Variants in THADA observed in about 807,000 individuals in gnomAD.
THADA encodes tRNA (32-2'-O)-methyltransferase regulator THADA.
In THADA, 213 loss-of-function variants were observed where a neutral mutation model predicts 219.8. That is an observed-to-expected ratio of 0.97 (90% CI 0.87 to 1.09). THADA has a LOEUF of 1.09. Among genes scored for constraint, THADA ranks in the 50% least tolerant of loss-of-function variants. THADA has a pLI of 0.00. For synonymous variants in THADA, 1,018 were observed against 828.9 expected (o/e 1.23, Z -3.92); for missense variants, 2,956 against 2,311.3 (o/e 1.28, Z -5.72).
chr2:43,587,668 T>C (rs1170242643), intron 4 of THADA, among the ~76,000 whole-genome samples: 1 of 152,170 alleles, frequency 6.6e-6, no homozygotes, highest in Non-Finnish European at 1.5e-5. Flanking sequence ...ACCCCATCCT[T>C]TATGTCCCCT....
chr2:43,437,809 T>C (rs1013403448), intron 26 of THADA, among the ~76,000 whole-genome samples: 1 of 152,100 alleles, frequency 6.6e-6, no homozygotes, highest in African/African-American at 2.4e-5. Flanking sequence ...AAATTAAAAA[T>C]AAAAATACAG....
intron 21 of THADA, among the ~76,000 whole-genome samples, chr2:43,532,412 CAAA>C (rs773523844): frequency 1.9e-4 from 9 of 47,240 alleles, no homozygotes; most frequent in Admixed American, 4.8e-4. Flanking sequence ...GACTCCACCT[CAAA>C]AAAAAAAAAA....
At chr2:43,506,138 T>A (rs1180987412) in intron 23 of THADA, among the ~76,000 whole-genome samples, 4 of 152,220 alleles carry the variant, frequency 2.6e-5, no homozygotes, top group Non-Finnish European at 5.9e-5. Context: ...GCAAAAAATC[T>A]CTGGATTAAA....
chr2:43,305,020 A>G (rs1468554194), intron 31 of THADA, among the ~76,000 whole-genome samples: 1 of 152,186 alleles, frequency 6.6e-6, no homozygotes, highest in Non-Finnish European at 1.5e-5. Flanking sequence ...TTTCTATTTT[A>G]AAGAATTGTA....
intron 26 of THADA, among the ~76,000 whole-genome samples, chr2:43,466,590 T>C (rs1684266612): frequency 6.6e-6 from 1 of 152,290 alleles, no homozygotes; most frequent in East Asian, 1.9e-4. Flanking sequence ...ATGCCCAGCA[T>C]ATTACCTGGC....
intron 28 of THADA, among the ~76,000 whole-genome samples, chr2:43,422,038 C>CAG (rs911076844): frequency 1.3e-5 from 2 of 152,210 alleles, no homozygotes; most frequent in Non-Finnish European, 2.9e-5. Flanking sequence ...GCATGCCAAA[C>CAG]AGATACCTTG....
chr2:43,480,646 T>G (rs954157626), intron 26 of THADA, among the ~76,000 whole-genome samples: 1 of 145,112 alleles, frequency 6.9e-6, no homozygotes, highest in Non-Finnish European at 1.5e-5. Context: ...CCATTTCTAC[T>G]AAAAAAAAAA....
At chr2:43,273,161 A>G (rs1672319688) in intron 36 of THADA, among the ~76,000 whole-genome samples, 1 of 152,022 alleles carries the variant, frequency 6.6e-6, no homozygotes, top group Non-Finnish European at 1.5e-5. Flanking sequence ...AGGCAGGACA[A>G]TCGCTTGAAC....
intron 36 of THADA, among the ~76,000 whole-genome samples, chr2:43,262,613 A>G (rs1314975515): frequency 3.9e-5 from 6 of 152,270 alleles, no homozygotes; most frequent in African/African-American, 1.4e-4. Context: ...CTTTCTTTAA[A>G]AAGAAAACTC....
chr2:43,549,081 A>T (rs908901731), intron 20 of THADA, 129 bp downstream of exon 20: 5 of 924,330 alleles, frequency 5.4e-6, no homozygotes, highest in East Asian at 3.2e-5. Flanking sequence ...CAAAATTTTT[A>T]AAAAACTTTA....
intron 26 of THADA, among the ~76,000 whole-genome samples, chr2:43,479,802 G>C (rs866675103): frequency 6.6e-6 from 1 of 152,178 alleles, no homozygotes. Context: ...TGAGAACAGC[G>C]AGGGGCTCAT....
rs10207729 is a variant in THADA at position 43,560,686 on chromosome 2, T to C, written c.2312-301A>G. 8.0e-3 allele frequency among the ~76,000 whole-genome samples: 1,224 copies of C among 152,240 alleles called. 18 individuals carry two copies. The highest frequency in any genetic ancestry group is 0.028 in the African/African-American group (1,180 of 41,528). On this transcript the variant is annotated intron_variant, in intron 15 of 37. Coordinates refer to ENST00000405975, the MANE Select transcript of THADA (RefSeq NM_022065.5). Reference sequence around the variant, plus strand: ...AAAAACAAGTAAATTTAGAAACACATCTTTTTAAAAATCCTAATAAAACTT... The same window carrying C: ...AAAAACAAGTAAATTTAGAAACACACCTTTTTAAAAATCCTAATAAAACTT...
At chr2:43,332,908 A>ATTTT (rs1404899769) in intron 30 of THADA, among the ~76,000 whole-genome samples, 1 of 152,188 alleles carries the variant, frequency 6.6e-6, no homozygotes, top group Non-Finnish European at 1.5e-5. Flanking sequence ...AGTTGCGTAA[A>ATTTT]AGGACTATTT....
intron 14 of THADA, among the ~76,000 whole-genome samples, chr2:43,567,929 C>G (rs1202123310): frequency 2.6e-5 from 4 of 152,206 alleles, no homozygotes; most frequent in African/African-American, 9.7e-5. Flanking sequence ...GTCCTCCATT[C>G]CCCAAGGTAT....
intron 36 of THADA, among the ~76,000 whole-genome samples, chr2:43,263,306 C>T (rs1671168037): frequency 6.6e-6 from 1 of 152,042 alleles, no homozygotes; most frequent in African/African-American, 2.4e-5. Context: ...TTGCATGATA[C>T]TTTCTCCTTC....
intron 22 of THADA, among the ~76,000 whole-genome samples, chr2:43,524,350 C>A (rs1264586539): frequency 6.6e-6 from 1 of 152,184 alleles, no homozygotes; most frequent in African/African-American, 2.4e-5. Flanking sequence ...TTTGCATAAT[C>A]CTATTAAAAA....
At chr2:43,341,170 C>T (rs1265271176) in intron 30 of THADA, among the ~76,000 whole-genome samples, 3 of 152,138 alleles carry the variant, frequency 2.0e-5, no homozygotes, top group Admixed American at 6.5e-5. Context: ...GTGTTAGGAA[C>T]CATTTACAGA....
intron 26 of THADA, among the ~76,000 whole-genome samples, chr2:43,435,173 G>A (rs1014301980): frequency 3.3e-5 from 5 of 152,130 alleles, no homozygotes; most frequent in South Asian, 2.1e-4. Context: ...AAATAGCCAG[G>A]GCCAGGCGCA....
chr2:43,377,502 A>T lies in THADA; in HGVS notation c.4227+20469T>A, dbSNP rs80260561. Among the ~76,000 whole-genome samples, 374 of 152,312 alleles carry T rather than the reference A, an allele frequency of 2.5e-3. 2 individuals are homozygous for T. Among genetic ancestry groups the T allele is most frequent in the African/African-American group, 8.6e-3 (359 of 41,580 alleles). ...AGAGCCAGGGTGATAGATGAGGTGC[A>T]GTGACCCACAGGGGAATTAGATGCT... On this transcript the variant is annotated intron_variant, in intron 29 of 37. Coordinates refer to ENST00000405975, the MANE Select transcript of THADA (RefSeq NM_022065.5).
Sources: gnomAD v4.1 joint callset for allele counts (sites outside exome capture counted in the v4.1 genomes callset) on GRCh38, gnomAD v4.1.1 for gene constraint, MANE v1.5 for transcripts, NCBI Gene and HGNC (gene_info 2026-07-23, HGNC 2026-07-21) for gene names.